Variants in SLK observed in about 807,000 individuals in gnomAD.
SLK encodes STE20-like serine/threonine-protein kinase.
In SLK, 67 loss-of-function variants were observed where a neutral mutation model predicts 147.7. That is an observed-to-expected ratio of 0.45 (90% CI 0.37 to 0.56). The LOEUF is 0.56. Ranked by LOEUF, SLK falls within the 20% of genes least tolerant of loss-of-function variation. SLK has a pLI of 0.00. For synonymous variants in SLK, 441 were observed against 475.0 expected (o/e 0.93, Z 0.93); for missense variants, 1,136 against 1,438.8 (o/e 0.79, Z 3.41).
At chr10:103,994,332 A>G (rs1470159691) in intron 4 of SLK, among the ~76,000 whole-genome samples, 1 of 152,180 alleles carries the variant, frequency 6.6e-6, no homozygotes, top group Non-Finnish European at 1.5e-5. Context: ...CATCTCAGCC[A>G]CTGCCCTTCT....
At chr10:103,978,336 C>T (rs1200674891) in intron 1 of SLK, among the ~76,000 whole-genome samples, 1 of 152,052 alleles carries the variant, frequency 6.6e-6, no homozygotes, top group East Asian at 1.9e-4. Flanking sequence ...AGATCTTTAA[C>T]ATAACTCTGT....
rs1300482610 is a variant in SLK at position 104,008,315 on chromosome 10, T to C, written c.2743T>C (p.Leu915=). The stretch of plus-strand genomic sequence containing the variant: ...CATCAAAGGAGAACAAGAGAAAGAG[T>C]TGTCCAAATTTCAGAATATGCTGAA... ...KRIKGEQEKE[L]SKFQNMLKNR... Residue 915 remains leucine, a synonymous_variant, in exon 12 of 19, where the codon TTG becomes CTG. Coordinates refer to ENST00000369755, the MANE Select transcript of SLK (RefSeq NM_014720.4). The C allele has an allele frequency of 9.3e-6, 15 of 1,611,538 alleles. No homozygotes were observed. Among genetic ancestry groups the C allele is most frequent in the African/African-American group, 4.0e-5 (3 of 74,554 alleles).
rs900156967 is a variant in SLK, at chr10:104,029,051, T to C, written c.*3331T>C. On this transcript the variant is annotated 3_prime_UTR_variant, in exon 19 of 19. Coordinates refer to ENST00000369755, the MANE Select transcript of SLK (RefSeq NM_014720.4). ...GCTACTAATTTTGGCGGAGAGTGTT[T>C]GCCAGGTTTCAATGTGGGCTGCAGC... 1.3e-5 allele frequency: 2 copies of C among 152,228 alleles called. No individual in the cohort carries two copies. Among genetic ancestry groups the C allele is most frequent in the African/African-American group, 4.8e-5 (2 of 41,446 alleles). 9.4% of individuals were successfully genotyped at this position (152,228 alleles called of 1,614,324 possible).
At chr10:104,015,842 AT>A (rs1451631928) in intron 13 of SLK, among the ~76,000 whole-genome samples, 1 of 151,570 alleles carries the variant, frequency 6.6e-6, no homozygotes, top group African/African-American at 2.4e-5. Flanking sequence ...TTTGTGTTTG[AT>A]TTTTTTGTGC....
intron 1 of SLK, 78 bp from the exon 2 acceptor site, chr10:103,990,590 ATTAAAAC>A (rs1844079370): frequency 2.6e-6 from 2 of 767,908 alleles, no homozygotes; most frequent in Non-Finnish European, 3.9e-6. Flanking sequence ...TTAAATATGA[ATTAAAAC>A]TTAAAATCTA....
chr10:103,996,048 C>T (rs903535280), intron 4 of SLK, among the ~76,000 whole-genome samples: 3 of 152,086 alleles, frequency 2.0e-5, no homozygotes, highest in African/African-American at 7.2e-5. Flanking sequence ...TGCTCACCAC[C>T]ACTCCTTATG....
chr10:103,970,482 A>G (rs1203092296), intron 1 of SLK, among the ~76,000 whole-genome samples: 1 of 152,222 alleles, frequency 6.6e-6, no homozygotes, highest in Non-Finnish European at 1.5e-5. Flanking sequence ...ATGATATTTG[A>G]AGAGCACGGG....
intron 18 of SLK, 68 bp from the exon 19 acceptor site, chr10:104,025,506 T>C: frequency 6.8e-7 from 1 of 1,462,392 alleles, no homozygotes; most frequent in South Asian, 1.2e-5. Flanking sequence ...AGTTTTATCT[T>C]GGCTGTCAGC....
chr10:104,021,128 A>G (rs1369980959), intron 17 of SLK, among the ~76,000 whole-genome samples: 1 of 152,228 alleles, frequency 6.6e-6, no homozygotes, highest in Non-Finnish European at 1.5e-5. Context: ...TGTACAGCCC[A>G]TCTAAAATGT....
chr10:103,972,259 A>G (rs1843802192), intron 1 of SLK, among the ~76,000 whole-genome samples: 1 of 152,222 alleles, frequency 6.6e-6, no homozygotes, highest in Admixed American at 6.5e-5. Context: ...CATATACATG[A>G]GTTTCACTAA....
Position 104,015,856 on chromosome 10 carries a change from A to G in SLK, c.2878-2304A>G, listed in dbSNP as rs567894264. Among the ~76,000 whole-genome samples the G allele has an allele frequency of 1.1e-3, 170 of 152,234 alleles. 3 individuals are homozygous for G. In the South Asian group the frequency reaches 0.035, roughly 31 times the overall value. ...TTTTGTGTTTGATTTTTTTGTGCCT[A>G]AATGTAAGATTTATATTTATGCTAG... On this transcript the variant is annotated intron_variant, in intron 13 of 18. Coordinates refer to ENST00000369755, the MANE Select transcript of SLK (RefSeq NM_014720.4).
chr10:104,001,079 AAAAAAAAG>A (rs1212098640), intron 7 of SLK, among the ~76,000 whole-genome samples: 1 of 151,536 alleles, frequency 6.6e-6, no homozygotes, highest in Non-Finnish European at 1.5e-5. Flanking sequence ...AAAAAAAAAA[AAAAAAAAG>A]TAATAATGTA....
In SLK at chr10:103,981,145, C is replaced by T. The variant is rs532740047; in HGVS notation, c.151-9530C>T. Among the ~76,000 whole-genome samples the T allele has an allele frequency of 4.2e-4, 64 of 151,934 alleles. 1 individual carries two copies. Among genetic ancestry groups the T allele is most frequent in the African/African-American group, 1.2e-3 (51 of 41,454 alleles). Reference sequence around the variant, plus strand: ...TATCTTCCTGGGAGAAATACCTGTTCGGCTCCTTTGCCTATTTTTGAATTG... The same window carrying T: ...TATCTTCCTGGGAGAAATACCTGTTTGGCTCCTTTGCCTATTTTTGAATTG... On this transcript the variant is annotated intron_variant, in intron 1 of 18. Transcript: ENST00000369755.
Position 104,002,452 on chromosome 10 carries a change from A to G in SLK, c.1274A>G (p.Glu425Gly), listed in dbSNP as rs1321364426. The G allele has an allele frequency of 6.2e-7, 1 of 1,613,994 alleles. No homozygotes were observed. The change falls in exon 9 of 19, where the codon GAG (glutamate) becomes GGG (glycine). Residue 425 changes from glutamate (E) to glycine (G), a missense_variant. Physicochemically the swap from Glu to Gly is moderately conservative, Grantham distance 98. Transcript: ENST00000369755. ...GCAGTAATCAAGGAGAATGAAAGAG[A>G]GAAGAGGCCCAAGCTTGAAAATCTG... ...RTAVIKENER[E>G]KRPKLENLPD... is the part of the protein sequence containing the mutation.
chr10:104,004,759 G>T (rs888875672), intron 9 of SLK, among the ~76,000 whole-genome samples: 1 of 152,104 alleles, frequency 6.6e-6, no homozygotes, highest in African/African-American at 2.4e-5. Context: ...GTAAGTATCT[G>T]CCCTGAACAC....
Position 104,027,608 on chromosome 10 carries a change from T to C in SLK, c.*1888T>C, listed in dbSNP as rs1844615637. On this transcript the variant is annotated 3_prime_UTR_variant, in exon 19 of 19. Coordinates refer to ENST00000369755, the MANE Select transcript of SLK (RefSeq NM_014720.4). ...TTGCCCAGTGTATTTAATGATTTATTTGAAGAGGGATTGGGAAGGAACGTC... is the reference window on the plus strand; with the variant it reads ...TTGCCCAGTGTATTTAATGATTTATCTGAAGAGGGATTGGGAAGGAACGTC... 6.6e-6 allele frequency: 1 copy of C among 152,612 alleles called. No homozygotes were observed. Among genetic ancestry groups the C allele is most frequent in the South Asian group, 2.1e-4 (1 of 4,828 alleles). 9.5% of individuals were successfully genotyped at this position (152,612 alleles called of 1,614,324 possible).
rs551825894 is a variant in SLK, at chr10:103,979,889, C to T, written c.151-10786C>T. On this transcript the variant is annotated intron_variant, in intron 1 of 18. Coordinates refer to ENST00000369755, the MANE Select transcript of SLK (RefSeq NM_014720.4). ...ATATAGTCCAATTTATTAACTTTTC[C>T]CTACATGGCTAATGTTTTTGTCTTA... Among the ~76,000 whole-genome samples, 8 of 152,098 alleles carry T rather than the reference C, an allele frequency of 5.3e-5. 1 individual carries two copies. In the South Asian group the frequency reaches 1.7e-3, roughly 32 times the overall value.
intron 1 of SLK, among the ~76,000 whole-genome samples, chr10:103,969,462 T>C (rs1367980700): frequency 6.6e-6 from 1 of 152,230 alleles, no homozygotes; most frequent in East Asian, 1.9e-4. Context: ...GTTTCTATAA[T>C]AAAATTAAGG....
At chr10:104,018,679 C>A in intron 14 of SLK, 105 bp from the exon 15 acceptor site, 1 of 1,161,130 alleles carries the variant, frequency 8.6e-7, no homozygotes, top group Non-Finnish European at 1.2e-6. Context: ...CATGTGTGTA[C>A]GAGTTAGTGT....
Sources: gnomAD v4.1 joint callset for allele counts (sites outside exome capture counted in the v4.1 genomes callset) on GRCh38, gnomAD v4.1.1 for gene constraint, MANE v1.5 for transcripts, NCBI Gene and HGNC (gene_info 2026-07-23, HGNC 2026-07-21) for gene names.